Variants in B3GALT1 observed in about 807,000 individuals in gnomAD.
B3GALT1 encodes UDP-Gal:betaGlcNAc beta 1,3-galactosyltransferase, polypeptide 1.
B3GALT1 carries 10 observed loss-of-function variants against 23.2 expected under a neutral mutation model. That is an observed-to-expected ratio of 0.43 (90% CI 0.27 to 0.73). The LOEUF (loss-of-function observed/expected upper bound fraction) is 0.73, where lower values mean the gene tolerates loss of function less well. Among genes scored for constraint, B3GALT1 ranks in the 30% least tolerant of loss-of-function variants. The pLI, the probability that B3GALT1 is intolerant of heterozygous loss-of-function variation, is 0.21. For synonymous variants in B3GALT1, 156 were observed against 141.5 expected (o/e 1.10, Z -0.73); for missense variants, 299 against 405.4 (o/e 0.74, Z 2.25).
chr2:167,564,078 C>T (rs548122999), intron 2 of B3GALT1, among the ~76,000 whole-genome samples: 42 of 151,160 alleles, frequency 2.8e-4, no homozygotes, highest in African/African-American at 8.7e-4. Flanking sequence ...GGGCGGCTGC[C>T]GGGCGGAGGG....
chr2:167,704,016 C>T (rs933154512), intron 3 of B3GALT1, among the ~76,000 whole-genome samples: 2 of 151,812 alleles, frequency 1.3e-5, no homozygotes, highest in African/African-American at 2.4e-5. Context: ...CCCGTCTCTA[C>T]TAAAAATACA....
intron 2 of B3GALT1, among the ~76,000 whole-genome samples, chr2:167,544,629 A>G (rs1326247024): frequency 6.6e-6 from 1 of 152,120 alleles, no homozygotes. Flanking sequence ...AGCGTTAACC[A>G]CAAGGATGCA....
chr2:167,354,388 C>T (rs1697366524), intron 1 of B3GALT1, among the ~76,000 whole-genome samples: 1 of 145,480 alleles, frequency 6.9e-6, no homozygotes, highest in South Asian at 2.2e-4. Context: ...CACTCTGTTG[C>T]CAGGCTGGAA....
chr2:167,621,203 G>T (rs564033259), intron 2 of B3GALT1, among the ~76,000 whole-genome samples: 1 of 148,402 alleles, frequency 6.7e-6, no homozygotes, highest in South Asian at 2.1e-4. Context: ...ATCCTGCCAC[G>T]TCAGCCTCTT....
intron 3 of B3GALT1, among the ~76,000 whole-genome samples, chr2:167,655,431 C>T (rs1035454152): frequency 1.3e-5 from 2 of 152,114 alleles, no homozygotes; most frequent in African/African-American, 4.8e-5. Flanking sequence ...ATAACACTGA[C>T]TAAATTTTAT....
chr2:167,578,923 A>G (rs1287457488), intron 2 of B3GALT1, among the ~76,000 whole-genome samples: 2 of 152,070 alleles, frequency 1.3e-5, no homozygotes, highest in African/African-American at 4.8e-5. Flanking sequence ...TGGAGCGTGT[A>G]TAATAGGAAA....
At chr2:167,618,291 A>G (rs1052903080) in intron 2 of B3GALT1, among the ~76,000 whole-genome samples, 3 of 152,070 alleles carry the variant, frequency 2.0e-5, no homozygotes, top group African/African-American at 7.2e-5. Flanking sequence ...TTTTTATTAA[A>G]TTCAGATTTA....
chr2:167,303,479 C>G (rs1400797460), intron 1 of B3GALT1, among the ~76,000 whole-genome samples: 1 of 152,006 alleles, frequency 6.6e-6, no homozygotes. Context: ...GAGAATACCT[C>G]TGGAAGAGAT....
At chr2:167,297,371 T>C (rs1029846516) in intron 1 of B3GALT1, among the ~76,000 whole-genome samples, 1 of 150,880 alleles carries the variant, frequency 6.6e-6, no homozygotes, top group African/African-American at 2.5e-5. Flanking sequence ...GGTATCACAT[T>C]TATGTACCTC....
intron 3 of B3GALT1, among the ~76,000 whole-genome samples, chr2:167,664,019 G>T (rs1419189585): frequency 1.3e-5 from 2 of 149,280 alleles, no homozygotes; most frequent in East Asian, 1.9e-4. Flanking sequence ...TGGTGTTTTA[G>T]ACATGAAGTC....
intron 1 of B3GALT1, among the ~76,000 whole-genome samples, chr2:167,347,511 T>A (rs1559071546): frequency 6.6e-6 from 1 of 152,218 alleles, no homozygotes; most frequent in Admixed American, 6.5e-5. Flanking sequence ...AGAAATTGTG[T>A]GAGGTTCTGC....
At chr2:167,294,774 G>A (rs1164180247) in intron 1 of B3GALT1, among the ~76,000 whole-genome samples, 1 of 152,178 alleles carries the variant, frequency 6.6e-6, no homozygotes, top group Non-Finnish European at 1.5e-5. Flanking sequence ...ATACAGGGAG[G>A]CGGATCTTGA....
At chr2:167,841,223 G>GAA (rs902997742) in intron 4 of B3GALT1, among the ~76,000 whole-genome samples, 3 of 118,586 alleles carry the variant, frequency 2.5e-5, no homozygotes, top group African/African-American at 6.0e-5. Flanking sequence ...TCACCACAAA[G>GAA]AAAAAAAAAA....
chr2:167,632,535 C>G (rs1685468837), intron 2 of B3GALT1, among the ~76,000 whole-genome samples: 1 of 151,952 alleles, frequency 6.6e-6, no homozygotes, highest in South Asian at 2.1e-4. Flanking sequence ...TTGCATTTCC[C>G]TAATGACCAG....
chr2:167,605,383 G>A (rs1352509138), intron 2 of B3GALT1, among the ~76,000 whole-genome samples: 1 of 152,188 alleles, frequency 6.6e-6, no homozygotes, highest in Non-Finnish European at 1.5e-5. Flanking sequence ...TGTTGGCTAA[G>A]TCTGTAGTTC....
intron 3 of B3GALT1, among the ~76,000 whole-genome samples, chr2:167,772,979 A>G (rs1256324540): frequency 1.3e-5 from 2 of 152,168 alleles, no homozygotes; most frequent in Admixed American, 6.5e-5. Flanking sequence ...AAAAATTTCT[A>G]TGGGCTTCAT....
chr2:167,715,505 A>G (rs1687128308), intron 3 of B3GALT1: 6 of 1,611,698 alleles, frequency 3.7e-6, no homozygotes, highest in South Asian at 3.3e-5. Flanking sequence ...GGCTTCAGCT[A>G]TTTGTGATTT....
In B3GALT1 at chr2:167,594,544, T is replaced by C. The variant is rs113756048; in HGVS notation, c.-409-52365T>C. Reference sequence around the variant, plus strand: ...CAACAACATTTTTTCCAGAGTGTTTTTTTAAACTTTCTGGAATCAAGTGGC... The same window carrying C: ...CAACAACATTTTTTCCAGAGTGTTTCTTTAAACTTTCTGGAATCAAGTGGC... On this transcript the variant is annotated intron_variant, in intron 2 of 4. Coordinates refer to ENST00000392690, the MANE Select transcript of B3GALT1 (RefSeq NM_020981.4). Among the ~76,000 whole-genome samples, 123 of 152,276 alleles carry C rather than the reference T, an allele frequency of 8.1e-4. 1 individual carries two copies. The highest frequency in any genetic ancestry group is 2.8e-3 in the African/African-American group (115 of 41,558).
chr2:167,430,349 C>T, intron 1 of B3GALT1, among the ~76,000 whole-genome samples: 1 of 152,192 alleles, frequency 6.6e-6, no homozygotes. Context: ...ACCTTGTAAA[C>T]ACCTTGTCGC....
Sources: gnomAD v4.1 joint callset for allele counts (sites outside exome capture counted in the v4.1 genomes callset) on GRCh38, gnomAD v4.1.1 for gene constraint, MANE v1.5 for transcripts, NCBI Gene and HGNC (gene_info 2026-07-23, HGNC 2026-07-21) for gene names.